Variants in CNTNAP5 observed in about 807,000 individuals in gnomAD.
CNTNAP5 encodes the protein contactin-associated protein-like 5.
A neutral mutation model predicts 150.2 loss-of-function variants in CNTNAP5; 72 were observed. That is an observed-to-expected ratio of 0.48 (90% CI 0.40 to 0.58). The LOEUF (loss-of-function observed/expected upper bound fraction) is 0.58. Among genes scored for constraint, CNTNAP5 ranks in the 20% least tolerant of loss-of-function variants. CNTNAP5 has a pLI of 0.00. For synonymous variants in CNTNAP5, 672 were observed against 619.8 expected, an observed-to-expected ratio of 1.08 and a Z score of -1.25; for missense variants, 1,636 against 1,626.2, an observed-to-expected ratio of 1.01 and a Z score of -0.10.
At chr2:124,807,262 C>G (rs73955832) in intron 19 of CNTNAP5, among the ~76,000 whole-genome samples, 6,094 of 152,208 alleles carry the variant, frequency 0.04, 388 homozygotes, top group African/African-American at 0.14. Flanking sequence ...AGTAGTTTGA[C>G]CTCTCGATGT....
At chr2:124,597,695 T>C (rs1021794710) in intron 11 of CNTNAP5, among the ~76,000 whole-genome samples, 7 of 151,774 alleles carry the variant, frequency 4.6e-5, no homozygotes, top group African/African-American at 1.7e-4. Flanking sequence ...TGGCCTGCCT[T>C]GCTAGATTGG....
chr2:124,684,494 G>T (rs913063650), intron 13 of CNTNAP5, among the ~76,000 whole-genome samples: 2 of 152,108 alleles, frequency 1.3e-5, no homozygotes, highest in Admixed American at 6.6e-5. Context: ...TCTCCCTGGA[G>T]AGCTGACTTT....
intron 8 of CNTNAP5, among the ~76,000 whole-genome samples, chr2:124,508,235 T>A (rs1165803952): frequency 6.6e-6 from 1 of 152,120 alleles, no homozygotes; most frequent in African/African-American, 2.4e-5. Flanking sequence ...TTCTAGAGAG[T>A]CATAAAAGTT....
At chr2:124,693,630 T>G (rs994448486) in intron 13 of CNTNAP5, among the ~76,000 whole-genome samples, 1 of 152,048 alleles carries the variant, frequency 6.6e-6, no homozygotes, top group Non-Finnish European at 1.5e-5. Flanking sequence ...CTGACGCCCC[T>G]GTGGAGGCCG....
intron 1 of CNTNAP5, among the ~76,000 whole-genome samples, chr2:124,032,996 G>A (rs916920086): frequency 6.6e-6 from 1 of 152,180 alleles, no homozygotes; most frequent in Non-Finnish European, 1.5e-5. Flanking sequence ...CTGACAGGGG[G>A]ATAAACCAGG....
At chr2:124,408,496 T>C (rs1296910835) in intron 3 of CNTNAP5, among the ~76,000 whole-genome samples, 1 of 152,010 alleles carries the variant, frequency 6.6e-6, no homozygotes, top group Non-Finnish European at 1.5e-5. Flanking sequence ...CTGACAGCTT[T>C]GAAGAGAGCA....
At chr2:124,849,469 A>G (rs573486953) in intron 19 of CNTNAP5, among the ~76,000 whole-genome samples, 16 of 152,158 alleles carry the variant, frequency 1.1e-4, no homozygotes, top group Non-Finnish European at 1.8e-4. Context: ...ATGAAGTGTG[A>G]TGCCTCCAGC....
intron 3 of CNTNAP5, among the ~76,000 whole-genome samples, chr2:124,281,751 A>C (rs1362785539): frequency 6.6e-6 from 1 of 152,148 alleles, no homozygotes; most frequent in African/African-American, 2.4e-5. Context: ...AGCGGGCTTC[A>C]GGGTTGTTGC....
chr2:124,724,444 C>A (rs1431662896), intron 13 of CNTNAP5, among the ~76,000 whole-genome samples: 1 of 152,018 alleles, frequency 6.6e-6, no homozygotes, highest in Non-Finnish European at 1.5e-5. Flanking sequence ...ATTGTGGTGG[C>A]AAGGCGCACA....
chr2:124,209,020 G>A (rs1377853000), intron 1 of CNTNAP5, among the ~76,000 whole-genome samples: 1 of 152,058 alleles, frequency 6.6e-6, no homozygotes, highest in African/African-American at 2.4e-5. Context: ...ATATCACAGA[G>A]AAAGAAATGG....
At position 124,589,022 on chromosome 2, in the gene CNTNAP5, A is replaced by G. The variant is rs567725689; in HGVS notation, c.1757-20779A>G. ...ACATCCCATCCTTTAACTTTTTTTCAGGTTTATTGAAGCATATTTCATAGA... is the reference window on the plus strand; with the variant it reads ...ACATCCCATCCTTTAACTTTTTTTCGGGTTTATTGAAGCATATTTCATAGA... On this transcript the variant is annotated intron_variant, in intron 11 of 23. Coordinates refer to ENST00000682447, the MANE Select transcript of CNTNAP5 (RefSeq NM_001367498.1). Among the ~76,000 whole-genome samples, 5 of 152,142 alleles carry G rather than the reference A, an allele frequency of 3.3e-5. No individual in the cohort carries two copies. The East Asian group carries it at 9.7e-4, about 29-fold the overall frequency.
chr2:124,537,726 G>C (rs548275483), intron 10 of CNTNAP5, among the ~76,000 whole-genome samples: 2 of 152,266 alleles, frequency 1.3e-5, no homozygotes, highest in Non-Finnish European at 2.9e-5. Flanking sequence ...TTTGGAGAAA[G>C]GGGGAACCTG....
chr2:124,796,969 T>C (rs1338562087), intron 18 of CNTNAP5, among the ~76,000 whole-genome samples: 1 of 152,206 alleles, frequency 6.6e-6, no homozygotes. Context: ...TTTGGACAGA[T>C]GAACATTTAA....
intron 13 of CNTNAP5, among the ~76,000 whole-genome samples, chr2:124,672,055 G>GA (rs1678835371): frequency 6.6e-6 from 1 of 152,188 alleles, no homozygotes; most frequent in Non-Finnish European, 1.5e-5. Flanking sequence ...TTACACAAGA[G>GA]AAATTTGTTT....
chr2:124,310,809 C>T (rs1273812428), intron 3 of CNTNAP5, among the ~76,000 whole-genome samples: 1 of 152,082 alleles, frequency 6.6e-6, no homozygotes, highest in South Asian at 2.1e-4. Context: ...CCTCATGAAC[C>T]GCACTTGCAG....
chr2:124,155,075 GTTT>G lies in CNTNAP5; in HGVS notation c.83-66609_83-66607del, dbSNP rs36194209. 7.8e-3 allele frequency among the ~76,000 whole-genome samples: 637 copies of G among 81,370 alleles called. 4 individuals are homozygous for G. The highest frequency in any genetic ancestry group is 0.024 in the African/African-American group (503 of 20,746). The allele number at this position is 81,370 out of a possible 152,430, so 53.4% of individuals were successfully genotyped here. On this transcript the variant is annotated intron_variant, in intron 1 of 23. Transcript: ENST00000682447. ...CTATTCTCAGAAGCAAACCATTCCCGTTTTTTTTTTTTTTTTTTTTTTTGATGG... is the reference window on the plus strand; with the variant it reads ...CTATTCTCAGAAGCAAACCATTCCCGTTTTTTTTTTTTTTTTTTTTGATGG...
rs1404160270 is a variant in CNTNAP5 at position 124,772,852 on chromosome 2, G to A, written c.2587G>A (p.Val863Ile). 2 of 1,613,758 alleles carry A rather than the reference G, an allele frequency of 1.2e-6. No homozygotes were observed. The highest frequency in any genetic ancestry group is 1.7e-6 in the Non-Finnish European group (2 of 1,179,750). Reference protein sequence around the residue: ...IDVGNGPVELVVQSPSLLNDN... With the variant: ...IDVGNGPVELIVQSPSLLNDN... ...TGTTGGGAATGGTCCTGTGGAGCTT[G>A]TAGTCCAGTCTCCTTCTCTTCTGAA... is the stretch of plus-strand genomic sequence containing the variant. The change falls in exon 17 of 24, where the codon GTA becomes ATA. Residue 863 changes from valine (V) to isoleucine (I), a missense_variant. By Grantham distance (29) the Val-to-Ile change is conservative (BLOSUM62 3). Coordinates refer to ENST00000682447, the MANE Select transcript of CNTNAP5 (RefSeq NM_001367498.1).
At chr2:124,525,957 G>T (rs1573436262) in intron 9 of CNTNAP5, among the ~76,000 whole-genome samples, 1 of 152,188 alleles carries the variant, frequency 6.6e-6, no homozygotes, top group Admixed American at 6.5e-5. Context: ...GTATTATAAT[G>T]ATCGTAGAAC....
At chr2:124,912,193 G>A (rs1678671374) in intron 23 of CNTNAP5, among the ~76,000 whole-genome samples, 3 of 152,012 alleles carry the variant, frequency 2.0e-5, no homozygotes, top group Admixed American at 2.0e-4. Context: ...TGATTCCCAA[G>A]CTTTGCTTCA....
Sources: gnomAD v4.1 joint callset for allele counts (sites outside exome capture counted in the v4.1 genomes callset) on GRCh38, gnomAD v4.1.1 for gene constraint, MANE v1.5 for transcripts, NCBI Gene and HGNC (gene_info 2026-07-23, HGNC 2026-07-21) for gene names.